The following PCDHGB2 variants were observed in gnomAD, a reference collection of about 807,000 sequenced individuals.
PCDHGB2 encodes protocadherin gamma-B2.
Under a neutral mutation model 59.3 loss-of-function variants are expected in PCDHGB2, and 55 were observed. The observed-to-expected ratio is 0.93, with a 90% confidence interval of 0.75 to 1.16. PCDHGB2 has a LOEUF of 1.16. PCDHGB2 is among the 50% of genes most tolerant of loss of function. The probability of loss-of-function intolerance (pLI) is 0.00; values close to 1 mark genes in which losing one functional copy is unlikely to be tolerated. For missense variants in PCDHGB2, 1,228 were observed against 1,198.5 expected, an observed-to-expected ratio of 1.02 and a Z score of -0.36; for synonymous variants, 516 against 512.0, an observed-to-expected ratio of 1.01 and a Z score of -0.11.
At chr5:141,389,281 G>T in intron 1 of PCDHGB2, 2 of 1,614,012 alleles carry the variant, frequency 1.2e-6, no homozygotes, top group Non-Finnish European at 1.7e-6. Context: ...AACCCGCCTG[G>T]AGCCTCTATT....
chr5:141,375,495 T>A, intron 1 of PCDHGB2: 1 of 1,613,918 alleles, frequency 6.2e-7, no homozygotes, highest in Admixed American at 1.7e-5. Flanking sequence ...GGTGCCTCCA[T>A]CTTCTCTGTG....
chr5:141,418,576 C>T, intron 1 of PCDHGB2: 2 of 1,614,012 alleles, frequency 1.2e-6, no homozygotes, highest in South Asian at 1.1e-5. Flanking sequence ...ATGACAACCC[C>T]CCAGTGTTCA....
chr5:141,384,300 A>G, intron 1 of PCDHGB2: 1 of 1,613,776 alleles, frequency 6.2e-7, no homozygotes, highest in South Asian at 1.1e-5. Context: ...ACAACCCCAG[A>G]GGGGCCTCCA....
intron 1 of PCDHGB2, among the ~76,000 whole-genome samples, chr5:141,456,866 G>A (rs2098893781): frequency 6.6e-6 from 1 of 152,170 alleles, no homozygotes; most frequent in African/African-American, 2.4e-5. Flanking sequence ...GGGAGGCTGA[G>A]GCAGGAGAAT....
At chr5:141,366,099 A>C in intron 1 of PCDHGB2, 1 of 1,614,210 alleles carries the variant, frequency 6.2e-7, no homozygotes, top group Non-Finnish European at 8.5e-7. Context: ...CTGGTGACCA[A>C]GGTGGTAGCG....
chr5:141,476,483 G>T lies in PCDHGB2; in HGVS notation c.2422-18324G>T. On this transcript the variant is annotated intron_variant, in intron 1 of 3. Coordinates refer to ENST00000522605, the MANE Select transcript of PCDHGB2 (RefSeq NM_018923.3). The surrounding 1 kb of genome is among the most constrained non-coding windows in gnomAD (Gnocchi z 7.6). ...CCCGCTGGAGCTGTTCAGCGTGGAA[G>T]TGGTGATCCAGGACATCAACGACAA... 6.2e-7 allele frequency: 1 copy of T among 1,614,166 alleles called. No homozygotes were observed. The highest frequency in any genetic ancestry group is 8.5e-7 in the Non-Finnish European group (1 of 1,180,034).
chr5:141,370,960 G>A, intron 1 of PCDHGB2: 2 of 1,614,014 alleles, frequency 1.2e-6, no homozygotes, highest in Non-Finnish European at 1.7e-6. Context: ...CTGGATGGCA[G>A]TAGGTACCCA....
rs879045129 is a variant in PCDHGB2, at chr5:141,366,878, A to T, written c.2421+4322A>T. 2.5e-5 allele frequency: 33 copies of T among 1,341,426 alleles called. No homozygotes were observed. The South Asian group carries it at 4.2e-4, about 17-fold the overall frequency. The allele number at this position is 1,341,426 out of a possible 1,614,324, so 83.1% of individuals were successfully genotyped here. On this transcript the variant is annotated intron_variant, in intron 1 of 3. Transcript: ENST00000522605. Reference sequence around the variant, plus strand: ...ACATTATTTGCTGTATTGGAGATTAATTTTTTTTATATAATTCATGCTTTC... The same window carrying T: ...ACATTATTTGCTGTATTGGAGATTATTTTTTTTTATATAATTCATGCTTTC...
chr5:141,367,813 CTT>C (rs1205428294), intron 1 of PCDHGB2: 1 of 151,974 alleles, frequency 6.6e-6, no homozygotes, highest in African/African-American at 2.4e-5. Context: ...TAGATAAACC[CTT>C]TACTTATTAG....
rs375597452 is a variant in PCDHGB2 at position 141,403,865 on chromosome 5, A to G, written c.2421+41309A>G. ...AAATACTGGGGAAATATCAACAGCA[A>G]AAAGTCTAGATTATGAAGAATGTTC... On this transcript the variant is annotated intron_variant, in intron 1 of 3. Transcript: ENST00000522605. 40 of 1,613,808 alleles carry G rather than the reference A, an allele frequency of 2.5e-5. No individual in the cohort carries two copies. The African/African-American group carries it at 5.2e-4, about 21-fold the overall frequency.
intron 1 of PCDHGB2, among the ~76,000 whole-genome samples, chr5:141,492,341 C>T (rs2099739551): frequency 6.6e-6 from 1 of 152,222 alleles, no homozygotes; most frequent in East Asian, 1.9e-4. Flanking sequence ...CGAATACCAG[C>T]TTTCACTGCC....
rs566838507 is a variant in PCDHGB2, at chr5:141,415,047, G to A, written c.2421+52491G>A. 5 of 1,613,392 alleles carry A rather than the reference G, an allele frequency of 3.1e-6. No homozygotes were observed. The African/African-American group carries it at 5.3e-5, about 17-fold the overall frequency. Reference sequence around the variant, plus strand: ...GCGAGCCGGGACTCTTCGCGGTGGGGGAGCACACGGGCGAGGTGCGCACGG... The same window carrying A: ...GCGAGCCGGGACTCTTCGCGGTGGGAGAGCACACGGGCGAGGTGCGCACGG... On this transcript the variant is annotated intron_variant, in intron 1 of 3. Coordinates refer to ENST00000522605, the MANE Select transcript of PCDHGB2 (RefSeq NM_018923.3).
intron 1 of PCDHGB2, among the ~76,000 whole-genome samples, chr5:141,455,650 C>T (rs1176718096): frequency 2.6e-5 from 4 of 151,994 alleles, no homozygotes; most frequent in African/African-American, 9.7e-5. Flanking sequence ...AGCCATGTGG[C>T]CAGGAACTTG....
intron 1 of PCDHGB2, chr5:141,409,321 T>G (rs899218484): frequency 1.9e-6 from 3 of 1,613,996 alleles, no homozygotes; most frequent in Admixed American, 1.7e-5. Context: ...AAACACGGGA[T>G]CTGGATTTCG....
intron 3 of PCDHGB2, among the ~76,000 whole-genome samples, chr5:141,510,584 C>T (rs2099881791): frequency 1.3e-5 from 2 of 152,184 alleles, no homozygotes. Flanking sequence ...TTTTACGTAC[C>T]TGACATACAT....
chr5:141,505,528 C>T (rs746609783), intron 3 of PCDHGB2, 47 bp downstream of exon 3: 4 of 1,612,320 alleles, frequency 2.5e-6, no homozygotes, highest in Non-Finnish European at 3.4e-6. Context: ...ACCTGGGGTT[C>T]TGGGGTGCAT....
intron 2 of PCDHGB2, among the ~76,000 whole-genome samples, chr5:141,496,888 TAA>T (rs35063790): frequency 6.7e-5 from 9 of 134,018 alleles, no homozygotes; most frequent in Non-Finnish European, 4.9e-5. Flanking sequence ...AAGTAACACT[TAA>T]AAAAAAAAAA....
In PCDHGB2 at chr5:141,486,885, G is replaced by C. The variant is rs139638334; in HGVS notation, c.2422-7922G>C. 1.2e-6 allele frequency: 2 copies of C among 1,614,076 alleles called. No individual in the cohort carries two copies. Among genetic ancestry groups the C allele is most frequent in the East Asian group, 4.5e-5 (2 of 44,892 alleles). On this transcript the variant is annotated intron_variant, in intron 1 of 3. Coordinates refer to ENST00000522605, the MANE Select transcript of PCDHGB2 (RefSeq NM_018923.3). This position sits in a 1 kb window ranked among gnomAD's most constrained non-coding sequence, Gnocchi z 5.0. ...CCAGCTGTGCTCCGTCCTCGGGCCC[G>C]GCCTGGTTCCTTATGTCCCCAAGCA...
At position 141,362,412 on chromosome 5, in the gene PCDHGB2, A is replaced by T; in HGVS notation, c.2277A>T (p.Gln759His). 1 of 1,614,034 alleles carries T rather than the reference A, an allele frequency of 6.2e-7. No individual in the cohort carries two copies. Among genetic ancestry groups the T allele is most frequent in the Non-Finnish European group, 8.5e-7 (1 of 1,179,896 alleles). ...CCTACAACCTGTGTGTTGCCTCACA[A>T]TCAGCCAAGACAGAGTTCAATTTTC... ...PYSYNLCVASQSAKTEFNFLN... is the reference protein window; with the variant it reads ...PYSYNLCVASHSAKTEFNFLN... The change falls in exon 1 of 4, where the codon CAA becomes CAT. Residue 759 changes from glutamine (Q) to histidine (H), a missense_variant. Physicochemically the swap from Gln to His is conservative, Grantham distance 24. Transcript: ENST00000522605.
Sources: gnomAD v4.1 joint callset for allele counts (sites outside exome capture counted in the v4.1 genomes callset) on GRCh38, gnomAD v4.1.1 for gene constraint, Gnocchi (gnomAD v3.1) non-coding constraint, MANE v1.5 for transcripts, NCBI Gene and HGNC (gene_info 2026-07-23, HGNC 2026-07-21) for gene names.